SMIM13: variants seen among roughly 807,000 people sequenced by gnomAD.
SMIM13 encodes the protein small integral membrane protein 13, also known as UPF0766 protein C6orf228.
SMIM13 carries 3 observed loss-of-function variants against 5.9 expected under a neutral mutation model. The ratio of observed to expected loss-of-function variants is 0.51; its 90% CI spans 0.23 to 1.31. The LOEUF (loss-of-function observed/expected upper bound fraction) is 1.31, where lower values mean the gene tolerates loss of function less well. Ranked by LOEUF, SMIM13 falls within the 40% of genes most tolerant of loss-of-function variation. The pLI is 0.18. For missense variants in SMIM13, 85 were observed against 109.9 expected, an observed-to-expected ratio of 0.77 and a Z score of 1.01; for synonymous variants, 55 against 46.0, an observed-to-expected ratio of 1.19 and a Z score of -0.79.
intron 1 of SMIM13, among the ~76,000 whole-genome samples, chr6:11,120,279 A>G (rs1758293299): frequency 6.6e-6 from 1 of 152,210 alleles, no homozygotes; most frequent in Non-Finnish European, 1.5e-5. Flanking sequence ...CAGAAATACC[A>G]TAGACCAGGT....
At chr6:11,116,526 GTTTC>G (rs1758242631) in intron 1 of SMIM13, among the ~76,000 whole-genome samples, 1 of 152,150 alleles carries the variant, frequency 6.6e-6, no homozygotes, top group African/African-American at 2.4e-5. Flanking sequence ...TACAAATTCT[GTTTC>G]TTTATTAGAT....
At chr6:11,115,687 CT>C (rs138602431) in intron 1 of SMIM13, among the ~76,000 whole-genome samples, 28,416 of 139,986 alleles carry the variant, frequency 0.2, 2,742 homozygotes, top group East Asian at 0.42. Flanking sequence ...TTTTTCTTTT[CT>C]TTTTTTTTTT....
chr6:11,127,984 C>T (rs1023486018), intron 1 of SMIM13, among the ~76,000 whole-genome samples: 22 of 152,174 alleles, frequency 1.4e-4, no homozygotes, highest in Admixed American at 1.3e-4. Flanking sequence ...GAATTGGGGA[C>T]ATCAGGAGGC....
In SMIM13 at chr6:11,137,704, C is replaced by T. The variant is rs1358259513; in HGVS notation, c.*3102C>T. 1 of 152,118 alleles carries T rather than the reference C, an allele frequency of 6.6e-6. No individual in the cohort carries two copies. The highest frequency in any genetic ancestry group is 1.5e-5 in the Non-Finnish European group (1 of 68,002). 9.4% of individuals were successfully genotyped at this position (152,118 alleles called of 1,614,324 possible). A position where few individuals can be genotyped will look rare whatever the true frequency, so the allele number is the denominator to read the frequency against. On this transcript the variant is annotated 3_prime_UTR_variant, in exon 2 of 2. Coordinates refer to ENST00000416247, the MANE Select transcript of SMIM13 (RefSeq NM_001135575.2). Reference sequence around the variant, plus strand: ...AAACTTTTTGTGAAAATTGCCTGTACCAATTGCATTGGTTGCGTTGCTCTG... The same window carrying T: ...AAACTTTTTGTGAAAATTGCCTGTATCAATTGCATTGGTTGCGTTGCTCTG...
chr6:11,104,420 G>A, intron 1 of SMIM13: 1 of 1,551,684 alleles, frequency 6.4e-7, no homozygotes, highest in East Asian at 2.4e-5. Context: ...AAATATAAAA[G>A]GCTCCTTGAG....
intron 1 of SMIM13, among the ~76,000 whole-genome samples, chr6:11,118,506 C>A (rs940699618): frequency 6.6e-6 from 1 of 152,176 alleles, no homozygotes; most frequent in Non-Finnish European, 1.5e-5. Context: ...AGTGAACACA[C>A]TGGAAAACTG....
rs112323788 is a variant in SMIM13, at chr6:11,115,835, C to T, written c.77-18568C>T. Among the ~76,000 whole-genome samples, 259 of 148,648 alleles carry T rather than the reference C, an allele frequency of 1.7e-3. 1 individual carries two copies. The highest frequency in any genetic ancestry group is 6.2e-3 in the African/African-American group (250 of 40,346). On this transcript the variant is annotated intron_variant, in intron 1 of 1. Coordinates refer to ENST00000416247, the MANE Select transcript of SMIM13 (RefSeq NM_001135575.2). ...AAGTAGCTGGGATTACAAGCATGGG[C>T]CACCATGCCTGGCTAATTTTTTTGT...
Position 11,094,402 on chromosome 6 carries a change from G to C in SMIM13, c.76+13G>C, listed in dbSNP as rs941386554. The C allele has an allele frequency of 1.3e-6, 2 of 1,532,604 alleles. No individual in the cohort carries two copies. 94.9% of individuals were successfully genotyped at this position (1,532,604 alleles called of 1,614,324 possible). ...CTGATGGTGTGCGGTGAGTGGGGGC[G>C]GTAGCCGCGAGGCAGTTCCACACGC... On this transcript the variant is annotated intron_variant, in intron 1 of 1. Transcript: ENST00000416247.
rs1486857081 is a variant in SMIM13, at chr6:11,136,504, C to A, written c.*1902C>A. 6.6e-6 allele frequency: 1 copy of A among 152,044 alleles called. No homozygotes were observed. Among genetic ancestry groups the A allele is most frequent in the African/African-American group, 2.4e-5 (1 of 41,400 alleles). 9.4% of individuals were successfully genotyped at this position (152,044 alleles called of 1,614,324 possible). On this transcript the variant is annotated 3_prime_UTR_variant, in exon 2 of 2. Transcript: ENST00000416247. ...TGATGGTGTGTTATTATGTTTGATA[C>A]CTCATACTTCTTGCTTAGAGTTTTG... is the stretch of plus-strand genomic sequence containing the variant.
At chr6:11,115,114 C>T (rs369142473) in intron 1 of SMIM13, among the ~76,000 whole-genome samples, 5 of 152,140 alleles carry the variant, frequency 3.3e-5, no homozygotes, top group Admixed American at 6.5e-5. Context: ...GTTTTGTCAT[C>T]GTGTTAATGC....
intron 1 of SMIM13, 82 bp downstream of exon 1, chr6:11,094,471 T>A: frequency 8.5e-7 from 1 of 1,174,482 alleles, no homozygotes; most frequent in Non-Finnish European, 1.2e-6. Flanking sequence ...TTTGTTTTTT[T>A]GAAAAAAACA....
At chr6:11,126,389 A>T (rs1758377743) in intron 1 of SMIM13, among the ~76,000 whole-genome samples, 1 of 151,930 alleles carries the variant, frequency 6.6e-6, no homozygotes, top group African/African-American at 2.4e-5. Flanking sequence ...AAGGTCACTA[A>T]TTTTCTTTTG....
In SMIM13 at chr6:11,137,359, T is replaced by G. The variant is rs1034129909; in HGVS notation, c.*2757T>G. On this transcript the variant is annotated 3_prime_UTR_variant, in exon 2 of 2. Coordinates refer to ENST00000416247, the MANE Select transcript of SMIM13 (RefSeq NM_001135575.2). ...CTTAATGCCACTAAGAAAGGCAAGA[T>G]AGTGAACGCAGAATTATTTATGTGG... The G allele has an allele frequency of 6.6e-6, 1 of 152,100 alleles. No homozygotes were observed. Among genetic ancestry groups the G allele is most frequent in the Admixed American group, 6.6e-5 (1 of 15,254 alleles). The allele number at this position is 152,100 out of a possible 1,614,324, so 9.4% of individuals were successfully genotyped here.
rs138651238 is a variant in SMIM13, at chr6:11,103,746, G to A, written c.76+9357G>A. The A allele has an allele frequency of 1.2e-3, 1,904 of 1,551,668 alleles. 51 individuals are homozygous for A. In the East Asian group the frequency reaches 0.043, roughly 35 times the overall value. ...AGGATGGCGTCCTGCACTGAGATTCGTCTGGAGCTTTATGGCCTGAAGGCG... is the reference window on the plus strand; with the variant it reads ...AGGATGGCGTCCTGCACTGAGATTCATCTGGAGCTTTATGGCCTGAAGGCG... On this transcript the variant is annotated intron_variant, in intron 1 of 1. Transcript: ENST00000416247.
chr6:11,128,837 A>G (rs1758412241), intron 1 of SMIM13, among the ~76,000 whole-genome samples: 1 of 151,988 alleles, frequency 6.6e-6, no homozygotes, highest in Non-Finnish European at 1.5e-5. Flanking sequence ...GAGTCCCATA[A>G]TAATCACTGT....
chr6:11,099,862 G>A (rs1314097861), intron 1 of SMIM13, among the ~76,000 whole-genome samples: 2 of 152,024 alleles, frequency 1.3e-5, no homozygotes, highest in South Asian at 2.1e-4. Flanking sequence ...TTCTCTGCTT[G>A]CCATTGATAA....
At chr6:11,105,409 C>A (rs561663425) in intron 1 of SMIM13, 2 of 874,908 alleles carry the variant, frequency 2.3e-6, no homozygotes, top group Admixed American at 2.9e-5. Flanking sequence ...AGAGCAATTG[C>A]CAGTAAAATT....
At position 11,134,596 on chromosome 6, in the gene SMIM13, G is replaced by T; in HGVS notation, c.270G>T (p.Leu90=). ...CTGCTGATGAAGGCCACAGACCCCT[G>T]ACATAGTCCTGTACTTGTGAAGGAT... The part of the protein sequence containing the change: ...RAPADEGHRP[L]T The change falls in exon 2 of 2, where the codon CTG becomes CTT. Residue 90 remains leucine, a synonymous_variant. Transcript: ENST00000416247. The T allele has an allele frequency of 6.5e-7, 1 of 1,542,694 alleles. No homozygotes were observed. Among genetic ancestry groups the T allele is most frequent in the South Asian group, 1.2e-5 (1 of 83,020 alleles).
Position 11,094,287 on chromosome 6 carries a change from C to G in SMIM13, c.-27C>G. 3 of 1,402,378 alleles carry G rather than the reference C, an allele frequency of 2.1e-6. No individual in the cohort carries two copies. Among genetic ancestry groups the G allele is most frequent in the Non-Finnish European group, 2.8e-6 (3 of 1,067,070 alleles). The allele number at this position is 1,402,378 out of a possible 1,614,324, so 86.9% of individuals were successfully genotyped here. A position where few individuals can be genotyped will look rare whatever the true frequency, so the allele number is the denominator to read the frequency against. On this transcript the variant is annotated 5_prime_UTR_variant, in exon 1 of 2. Transcript: ENST00000416247. ...TCACCGCCGTCCGCGCCAGCCGCCCCGAGCCGACTGCCCTTCTGCCCCCAA... is the reference window on the plus strand; with the variant it reads ...TCACCGCCGTCCGCGCCAGCCGCCCGGAGCCGACTGCCCTTCTGCCCCCAA...
Sources: allele counts gnomAD v4.1 joint callset (sites outside exome capture counted in the v4.1 genomes callset), GRCh38; gene constraint gnomAD v4.1.1; transcripts MANE v1.5; gene names NCBI Gene and HGNC (gene_info 2026-07-23, HGNC 2026-07-21).